Variants in CTNNA3 observed in about 807,000 individuals in gnomAD.
CTNNA3 encodes catenin alpha 3.
A neutral mutation model predicts 95.7 loss-of-function variants in CTNNA3; 76 were observed. That is an observed-to-expected ratio of 0.79 (90% CI 0.66 to 0.96). The LOEUF is 0.96. Among genes scored for constraint, CTNNA3 ranks in the 40% least tolerant of loss-of-function variants. The probability of loss-of-function intolerance (pLI) is 0.00; values close to 1 mark genes in which losing one functional copy is unlikely to be tolerated. For missense variants in CTNNA3, 1,191 were observed against 1,089.8 expected, an observed-to-expected ratio of 1.09 and a Z score of -1.31; for synonymous variants, 431 against 374.4, an observed-to-expected ratio of 1.15 and a Z score of -1.74.
At chr10:67,227,521 T>C (rs1413700559) in intron 5 of CTNNA3, among the ~76,000 whole-genome samples, 1 of 152,142 alleles carries the variant, frequency 6.6e-6, no homozygotes, top group African/African-American at 2.4e-5. Context: ...TAAACATATA[T>C]GCAACACTGG....
chr10:66,545,515 T>G (rs1184915006), intron 10 of CTNNA3, among the ~76,000 whole-genome samples: 2 of 152,084 alleles, frequency 1.3e-5, no homozygotes, highest in Non-Finnish European at 2.9e-5. Flanking sequence ...TATTTTCTCA[T>G]TCCTATATGC....
At chr10:66,799,878 AT>A (rs1163732413) in intron 7 of CTNNA3, among the ~76,000 whole-genome samples, 1 of 151,438 alleles carries the variant, frequency 6.6e-6, no homozygotes, top group Non-Finnish European at 1.5e-5. Flanking sequence ...GAAAAAGACA[AT>A]TACCTTTATG....
chr10:65,959,423 C>A lies in CTNNA3; in HGVS notation c.2400+7189G>T, dbSNP rs533852847. On this transcript the variant is annotated intron_variant, in intron 17 of 17. Coordinates refer to ENST00000433211, the MANE Select transcript of CTNNA3 (RefSeq NM_013266.4). ...TCCAACAAGCCCCAGTGAGATGAAC[C>A]CAGTACCTCAGTTGGAAATGCAGAA... Among the ~76,000 whole-genome samples the A allele has an allele frequency of 3.8e-4, 58 of 152,274 alleles. No individual in the cohort carries two copies. In the South Asian group the frequency reaches 5.6e-3, roughly 15 times the overall value.
intron 1 of CTNNA3, among the ~76,000 whole-genome samples, chr10:67,713,198 G>C (rs1841122375): frequency 6.6e-6 from 1 of 152,158 alleles, no homozygotes; most frequent in Admixed American, 6.5e-5. Flanking sequence ...CATCATCACT[G>C]GTCATTAGAG....
chr10:66,194,972 G>A (rs1220630802), intron 13 of CTNNA3, among the ~76,000 whole-genome samples: 1 of 152,198 alleles, frequency 6.6e-6, no homozygotes, highest in South Asian at 2.1e-4. Flanking sequence ...TTAATTTGCT[G>A]TATGAAGTAC....
chr10:65,926,154 T>A (rs139770928), intron 17 of CTNNA3, among the ~76,000 whole-genome samples: 2 of 151,422 alleles, frequency 1.3e-5, no homozygotes, highest in African/African-American at 2.4e-5. Context: ...TTCAATCAAA[T>A]CACATTTATA....
chr10:66,150,910 T>C (rs2084166828), intron 13 of CTNNA3, among the ~76,000 whole-genome samples: 1 of 152,044 alleles, frequency 6.6e-6, no homozygotes, highest in Non-Finnish European at 1.5e-5. Context: ...ATACAATTAT[T>C]TTTAATAAGG....
chr10:66,571,460 T>G (rs1842865148), intron 10 of CTNNA3, among the ~76,000 whole-genome samples: 1 of 152,184 alleles, frequency 6.6e-6, no homozygotes, highest in African/African-American at 2.4e-5. Flanking sequence ...ATTTCATGGA[T>G]GAGGAAATTG....
chr10:67,341,486 G>A (rs1032973052), intron 5 of CTNNA3, among the ~76,000 whole-genome samples: 2 of 152,082 alleles, frequency 1.3e-5, no homozygotes, highest in African/African-American at 2.4e-5. Context: ...TTAACTTAAT[G>A]ATCTCCAGTT....
chr10:66,135,259 T>C (rs2083292954), intron 13 of CTNNA3, among the ~76,000 whole-genome samples: 1 of 152,144 alleles, frequency 6.6e-6, no homozygotes. Context: ...TTTGGAGATA[T>C]GGTTCTTTCT....
At chr10:66,366,462 G>A (rs2092711920) in intron 12 of CTNNA3, among the ~76,000 whole-genome samples, 1 of 152,074 alleles carries the variant, frequency 6.6e-6, no homozygotes, top group Non-Finnish European at 1.5e-5. Flanking sequence ...AGTAGTAAGT[G>A]GTAGGACCTT....
chr10:67,222,752 C>T (rs1484020993), intron 5 of CTNNA3, among the ~76,000 whole-genome samples: 1 of 152,166 alleles, frequency 6.6e-6, no homozygotes, highest in African/African-American at 2.4e-5. Flanking sequence ...TATTACTGTA[C>T]AATCACAACT....
chr10:67,516,957 T>C (rs568682690), intron 5 of CTNNA3, among the ~76,000 whole-genome samples: 118 of 152,344 alleles, frequency 7.7e-4, no homozygotes, highest in African/African-American at 2.6e-3. Context: ...GGCTAAATAA[T>C]ATTTCATTGC....
chr10:66,986,508 C>T (rs1850738308), intron 7 of CTNNA3, among the ~76,000 whole-genome samples: 1 of 148,720 alleles, frequency 6.7e-6, no homozygotes, highest in African/African-American at 2.4e-5. Flanking sequence ...CTAAACTAAA[C>T]TAAAATAAAA....
chr10:65,994,526 T>TA (rs1445695819), intron 15 of CTNNA3, among the ~76,000 whole-genome samples: 2 of 152,156 alleles, frequency 1.3e-5, no homozygotes, highest in African/African-American at 2.4e-5. Context: ...CTGTTAGTTT[T>TA]AATAAGGTTT....
intron 13 of CTNNA3, among the ~76,000 whole-genome samples, chr10:66,219,109 G>A (rs2088751617): frequency 6.6e-6 from 1 of 152,136 alleles, no homozygotes; most frequent in Non-Finnish European, 1.5e-5. Flanking sequence ...ACGTACTGGA[G>A]CTTTACCTAC....
chr10:66,752,881 A>G (rs1839207082), intron 9 of CTNNA3, among the ~76,000 whole-genome samples: 1 of 151,982 alleles, frequency 6.6e-6, no homozygotes, highest in Non-Finnish European at 1.5e-5. Flanking sequence ...CTGTATGAAC[A>G]AGAGTGACTC....
chr10:66,410,457 C>A (rs1391725457), intron 11 of CTNNA3, among the ~76,000 whole-genome samples: 2 of 152,082 alleles, frequency 1.3e-5, no homozygotes, highest in Non-Finnish European at 2.9e-5. Flanking sequence ...CTAGTCCCAC[C>A]CTGATGTTAG....
Position 67,539,490 on chromosome 10 carries a change from A to T in CTNNA3, c.459+13T>A. ...AGACAATGCCAAGGTAAACTAAGCC[A>T]TCTTTTACTTACAGCTGACACATGT... On this transcript the variant is annotated intron_variant, in intron 4 of 17. Coordinates refer to ENST00000433211, the MANE Select transcript of CTNNA3 (RefSeq NM_013266.4). 6.2e-7 allele frequency: 1 copy of T among 1,612,274 alleles called. No individual in the cohort carries two copies. The highest frequency in any genetic ancestry group is 1.3e-5 in the African/African-American group (1 of 74,996).
Sources: gnomAD v4.1 joint callset for allele counts (sites outside exome capture counted in the v4.1 genomes callset) on GRCh38, gnomAD v4.1.1 for gene constraint, MANE v1.5 for transcripts, NCBI Gene and HGNC (gene_info 2026-07-23, HGNC 2026-07-21) for gene names.